MAST4: variants seen among roughly 807,000 people sequenced by gnomAD.
MAST4 encodes the protein microtubule-associated serine/threonine-protein kinase 4.
In MAST4, 89 loss-of-function variants were observed where a neutral mutation model predicts 162.7. The ratio of observed to expected loss-of-function variants is 0.55; its 90% CI spans 0.46 to 0.65. MAST4 has a LOEUF of 0.65. Ranked by LOEUF, MAST4 falls within the 30% of genes least tolerant of loss-of-function variation. MAST4 has a pLI of 0.00. For missense variants in MAST4, 3,153 were observed against 3,374.0 expected, an observed-to-expected ratio of 0.93 and a Z score of 1.62; for synonymous variants, 1,479 against 1,361.1, an observed-to-expected ratio of 1.09 and a Z score of -1.91.
intron 1 of MAST4, among the ~76,000 whole-genome samples, chr5:66,705,478 T>C (rs1750072768): frequency 6.6e-6 from 1 of 152,148 alleles, no homozygotes; most frequent in African/African-American, 2.4e-5. Flanking sequence ...TACAGATGAA[T>C]GTTGTGGTGT....
chr5:67,048,594 G>A (rs1170826162), intron 4 of MAST4, among the ~76,000 whole-genome samples: 1 of 152,098 alleles, frequency 6.6e-6, no homozygotes, highest in Non-Finnish European at 1.5e-5. Flanking sequence ...GCTCATAGAT[G>A]CAAAATTAGT....
chr5:66,937,040 T>G (rs898881442), intron 4 of MAST4, among the ~76,000 whole-genome samples: 1 of 152,172 alleles, frequency 6.6e-6, no homozygotes, highest in Non-Finnish European at 1.5e-5. Flanking sequence ...CCAGTAAGCT[T>G]TCACTCATTG....
intron 8 of MAST4, among the ~76,000 whole-genome samples, chr5:67,101,546 T>C (rs1375065955): frequency 6.6e-6 from 1 of 152,194 alleles, no homozygotes; most frequent in Non-Finnish European, 1.5e-5. Flanking sequence ...CAGTATGAGA[T>C]CTTTATGCTA....
rs140028257 is a variant in MAST4 at position 66,746,525 on chromosome 5, T to G, written c.364-13184T>G. ...GAATACTACTGCCTAGTAGGGAGTC[T>G]ACTTTCTCTCCCAAAGCTGGAAGCA... On this transcript the variant is annotated intron_variant, in intron 1 of 28. Coordinates refer to ENST00000403625, the MANE Select transcript of MAST4 (RefSeq NM_001164664.2). Among the ~76,000 whole-genome samples the G allele has an allele frequency of 8.5e-4, 130 of 152,346 alleles. 1 individual carries two copies. The highest frequency in any genetic ancestry group is 3.0e-3 in the African/African-American group (125 of 41,578).
intron 13 of MAST4, among the ~76,000 whole-genome samples, chr5:67,120,563 G>T (rs989281339): frequency 6.6e-6 from 1 of 152,202 alleles, no homozygotes; most frequent in African/African-American, 2.4e-5. Context: ...GGTGTTGCAT[G>T]TGTTGCCTAC....
intron 1 of MAST4, among the ~76,000 whole-genome samples, chr5:66,676,450 C>A (rs759343492): frequency 1.6e-4 from 19 of 116,996 alleles, no homozygotes; most frequent in Middle Eastern, 8.1e-3. Context: ...GAATGTTGAA[C>A]TTCCCCAAGA....
At chr5:66,909,403 T>G (rs777917715) in intron 4 of MAST4, among the ~76,000 whole-genome samples, 2 of 152,200 alleles carry the variant, frequency 1.3e-5, no homozygotes, top group Non-Finnish European at 2.9e-5. Flanking sequence ...AATTGTGTTT[T>G]GGGACTGACA....
chr5:66,765,028 T>C (rs1010921537), intron 2 of MAST4, among the ~76,000 whole-genome samples: 2 of 152,202 alleles, frequency 1.3e-5, no homozygotes, highest in African/African-American at 4.8e-5. Context: ...TGTTTAGATA[T>C]GCACATACTG....
At chr5:67,051,056 T>C (rs1758117178) in intron 4 of MAST4, among the ~76,000 whole-genome samples, 1 of 152,170 alleles carries the variant, frequency 6.6e-6, no homozygotes, top group South Asian at 2.1e-4. Flanking sequence ...AAACTGGAGA[T>C]AACTCTTTAC....
At chr5:66,870,899 G>C (rs1760885037) in intron 3 of MAST4, 1 of 470,108 alleles carries the variant, frequency 2.1e-6, no homozygotes. Flanking sequence ...ATGGCGGCGT[G>C]GTCCCGCTGC....
At chr5:66,611,495 C>T (rs1743285207) in intron 1 of MAST4, among the ~76,000 whole-genome samples, 2 of 152,212 alleles carry the variant, frequency 1.3e-5, no homozygotes, top group African/African-American at 4.8e-5. Context: ...GCAATTTGTT[C>T]TTCTAAGAGA....
At chr5:66,985,170 C>T (rs1749339299) in intron 4 of MAST4, among the ~76,000 whole-genome samples, 1 of 152,048 alleles carries the variant, frequency 6.6e-6, no homozygotes, top group South Asian at 2.1e-4. Context: ...CAGGTGATTT[C>T]AAAGAAGCGG....
intron 1 of MAST4, among the ~76,000 whole-genome samples, chr5:66,694,699 C>G (rs1749283663): frequency 6.6e-6 from 1 of 152,080 alleles, no homozygotes; most frequent in Admixed American, 6.6e-5. Flanking sequence ...GTTGGGCAGG[C>G]TGGTCTTGAA....
At chr5:66,950,455 A>G (rs1419132757) in intron 4 of MAST4, among the ~76,000 whole-genome samples, 2 of 152,106 alleles carry the variant, frequency 1.3e-5, no homozygotes, top group Non-Finnish European at 1.5e-5. Context: ...GACAATAGCC[A>G]TTCCACTTTG....
At chr5:66,785,967 C>T (rs1371639083) in intron 2 of MAST4, among the ~76,000 whole-genome samples, 4 of 152,284 alleles carry the variant, frequency 2.6e-5, no homozygotes, top group Admixed American at 1.3e-4. Context: ...CTCCTAGGCT[C>T]ACGAGGTCCT....
chr5:66,852,678 A>G (rs1366853731), intron 3 of MAST4, among the ~76,000 whole-genome samples: 4 of 152,116 alleles, frequency 2.6e-5, no homozygotes, highest in Non-Finnish European at 5.9e-5. Flanking sequence ...TTTTCCCCCA[A>G]ATTAGAAACA....
At chr5:66,945,909 A>G (rs544621495) in intron 4 of MAST4, among the ~76,000 whole-genome samples, 2 of 152,146 alleles carry the variant, frequency 1.3e-5, no homozygotes, top group East Asian at 1.9e-4. Context: ...TTCTTCAACT[A>G]TGTCCCTTTG....
intron 1 of MAST4, among the ~76,000 whole-genome samples, chr5:66,746,242 T>C (rs1752750509): frequency 6.6e-6 from 1 of 152,206 alleles, no homozygotes; most frequent in South Asian, 2.1e-4. Context: ...ATCATTTGGA[T>C]TGGTTGACAC....
Position 67,165,996 on chromosome 5 carries a change from G to A in MAST4, c.6817G>A (p.Val2273Ile). The change falls in exon 29 of 29, where the codon GTC (valine) becomes ATC (isoleucine). Residue 2273 changes from valine (V) to isoleucine (I), a missense_variant. Coordinates refer to ENST00000403625, the MANE Select transcript of MAST4 (RefSeq NM_001164664.2). ...TGGCCAGGGAGAAGGTGGGCCCTCTGTCCCACTGCACACTGACAGGGCTCC... is the reference window on the plus strand; with the variant it reads ...TGGCCAGGGAGAAGGTGGGCCCTCTATCCCACTGCACACTGACAGGGCTCC... The part of the protein sequence containing the change: ...GIGQGEGGPS[V>I]PLHTDRAPLD... 1.2e-6 allele frequency: 2 copies of A among 1,613,640 alleles called. No individual in the cohort carries two copies. Among genetic ancestry groups the A allele is most frequent in the Non-Finnish European group, 1.7e-6 (2 of 1,179,866 alleles).
Sources: allele counts gnomAD v4.1 joint callset (sites outside exome capture counted in the v4.1 genomes callset), GRCh38; gene constraint gnomAD v4.1.1; transcripts MANE v1.5; gene names NCBI Gene and HGNC (gene_info 2026-07-23, HGNC 2026-07-21).